CADPS: variants seen among roughly 807,000 people sequenced by gnomAD.
CADPS encodes the protein calcium-dependent secretion activator 1.
In CADPS, 57 loss-of-function variants were observed where a neutral mutation model predicts 167.3. The observed-to-expected ratio is 0.34, with a 90% CI of 0.28 to 0.42. CADPS has a LOEUF of 0.42. Among genes scored for constraint, CADPS ranks in the 20% least tolerant of loss-of-function variants. CADPS has a pLI of 1.00. For missense variants in CADPS, 1,414 were observed against 1,738.1 expected (o/e 0.81, Z 3.32); for synonymous variants, 676 against 635.3 (o/e 1.06, Z -0.96).
intron 5 of CADPS, among the ~76,000 whole-genome samples, chr3:62,649,543 C>CTTTTTTTTTGTTTTTTTTT (rs2069498704): frequency 2.6e-5 from 1 of 37,786 alleles, no homozygotes; most frequent in Admixed American, 5.2e-4. Context: ...AATATGTGGT[C>CTTTTTTTTTGTTTTTTTTT]TTTTTTTTTT....
intron 6 of CADPS, among the ~76,000 whole-genome samples, chr3:62,593,423 C>G (rs2086528116): frequency 6.6e-6 from 1 of 152,166 alleles, no homozygotes; most frequent in Non-Finnish European, 1.5e-5. Context: ...TCACATGAGC[C>G]CTTGATGTGC....
intron 1 of CADPS, among the ~76,000 whole-genome samples, chr3:62,835,016 C>A (rs1279058016): frequency 6.6e-6 from 1 of 152,048 alleles, no homozygotes; most frequent in Non-Finnish European, 1.5e-5. Context: ...TTTAAAGGAG[C>A]AGATTCATTG....
chr3:62,408,573 A>G (rs2048341633), intron 28 of CADPS, among the ~76,000 whole-genome samples: 1 of 152,194 alleles, frequency 6.6e-6, no homozygotes. Flanking sequence ...TTAACTCTGG[A>G]TACTATCTAA....
intron 8 of CADPS, among the ~76,000 whole-genome samples, chr3:62,583,899 C>T (rs2083999278): frequency 6.6e-6 from 1 of 152,106 alleles, no homozygotes; most frequent in African/African-American, 2.4e-5. Context: ...TGGTCACGCC[C>T]TCCTGGACTT....
intron 11 of CADPS, among the ~76,000 whole-genome samples, chr3:62,537,360 T>A (rs2074891346): frequency 6.6e-6 from 1 of 152,152 alleles, no homozygotes; most frequent in East Asian, 1.9e-4. Flanking sequence ...CAAAACCTCC[T>A]AAGGGCTAAC....
intron 7 of CADPS, among the ~76,000 whole-genome samples, chr3:62,587,279 G>A (rs1470642317): frequency 2.6e-5 from 4 of 152,216 alleles, no homozygotes; most frequent in African/African-American, 7.2e-5. Flanking sequence ...TGGCACCAGA[G>A]AACTGCAACA....
intron 3 of CADPS, among the ~76,000 whole-genome samples, chr3:62,706,132 T>C (rs1191324171): frequency 6.6e-6 from 1 of 152,100 alleles, no homozygotes; most frequent in African/African-American, 2.4e-5. Flanking sequence ...TTAGGGACTT[T>C]GGTAGGCATT....
intron 7 of CADPS, among the ~76,000 whole-genome samples, chr3:62,586,143 A>G (rs2084577683): frequency 6.6e-6 from 1 of 152,206 alleles, no homozygotes; most frequent in Admixed American, 6.5e-5. Context: ...GAGGAATTGA[A>G]TATTTGGAAA....
At chr3:62,608,206 C>T (rs2060963051) in intron 6 of CADPS, among the ~76,000 whole-genome samples, 1 of 151,930 alleles carries the variant, frequency 6.6e-6, no homozygotes, top group African/African-American at 2.4e-5. Flanking sequence ...GACCCCACAC[C>T]CACAAAATAA....
At chr3:62,670,968 G>T (rs60903963) in intron 3 of CADPS, among the ~76,000 whole-genome samples, 1 of 152,032 alleles carries the variant, frequency 6.6e-6, no homozygotes. Flanking sequence ...CAGTCATAGC[G>T]CATGGTAGTC....
intron 9 of CADPS, among the ~76,000 whole-genome samples, chr3:62,565,135 G>A (rs1034554308): frequency 6.6e-6 from 1 of 152,122 alleles, no homozygotes; most frequent in Admixed American, 6.5e-5. Flanking sequence ...TAATCAATGT[G>A]TTTGGTTCTC....
At chr3:62,740,521 G>C (rs147979669) in intron 3 of CADPS, among the ~76,000 whole-genome samples, 263 of 152,262 alleles carry the variant, frequency 1.7e-3, no homozygotes, top group African/African-American at 5.9e-3. Flanking sequence ...TTGGGTAAAA[G>C]AAGATACCAG....
At chr3:62,415,030 T>G (rs1458073438) in intron 28 of CADPS, among the ~76,000 whole-genome samples, 1 of 152,192 alleles carries the variant, frequency 6.6e-6, no homozygotes, top group African/African-American at 2.4e-5. Flanking sequence ...CTTTGTCTCC[T>G]TGACAACACC....
Position 62,874,483 on chromosome 3 carries a change from A to G in CADPS, c.441+106T>C. Reference sequence around the variant, plus strand: ...GCCCTTTCCCCAGGGCGCGGTCTCCACCTCTCCTGCTCCTCCTCGCCAGCT... The same window carrying G: ...GCCCTTTCCCCAGGGCGCGGTCTCCGCCTCTCCTGCTCCTCCTCGCCAGCT... On this transcript the variant is annotated intron_variant, in intron 1 of 29. Transcript: ENST00000383710. This position sits in a 1 kb window ranked among gnomAD's most constrained non-coding sequence, Gnocchi z 7.1. 1.1e-6 allele frequency: 1 copy of G among 878,678 alleles called. No individual in the cohort carries two copies. Among genetic ancestry groups the G allele is most frequent in the East Asian group, 2.8e-5 (1 of 35,910 alleles). The allele number at this position is 878,678 out of a possible 1,614,324, so 54.4% of individuals were successfully genotyped here.
intron 14 of CADPS, 100 bp downstream of exon 14, chr3:62,518,049 G>A (rs2069431899): frequency 2.6e-6 from 2 of 778,644 alleles, no homozygotes; most frequent in African/African-American, 1.7e-5. Context: ...AATATCCAAT[G>A]TATCCTCTGG....
intron 21 of CADPS, among the ~76,000 whole-genome samples, chr3:62,486,444 CAAAAAAAA>C (rs1219097343): frequency 1.6e-5 from 1 of 63,936 alleles, no homozygotes; most frequent in Admixed American, 1.7e-4. Flanking sequence ...GACTCCGTCT[CAAAAAAAA>C]AAAAAAAAAA....
chr3:62,429,109 T>C (rs752400278), intron 28 of CADPS, among the ~76,000 whole-genome samples: 2 of 150,862 alleles, frequency 1.3e-5, no homozygotes, highest in African/African-American at 5.0e-5. Flanking sequence ...ATCACATAAA[T>C]ATTGTTTTAT....
rs191982154 is a variant in CADPS at position 62,428,660 on chromosome 3, G to A, written c.3777+9444C>T. On this transcript the variant is annotated intron_variant, in intron 28 of 29. Coordinates refer to ENST00000383710, the MANE Select transcript of CADPS (RefSeq NM_003716.4). ...TTGTTGTTGCTACATCATACTCATCGCGTTTTTGTGTGATGATGGCAGTGG... is the reference window on the plus strand; with the variant it reads ...TTGTTGTTGCTACATCATACTCATCACGTTTTTGTGTGATGATGGCAGTGG... Among the ~76,000 whole-genome samples, 21 of 152,170 alleles carry A rather than the reference G, an allele frequency of 1.4e-4. No homozygotes were observed. The East Asian group carries it at 1.7e-3, about 13-fold the overall frequency.
At chr3:62,678,494 AT>A (rs535848521) in intron 3 of CADPS, among the ~76,000 whole-genome samples, 118 of 150,648 alleles carry the variant, frequency 7.8e-4, no homozygotes, top group South Asian at 1.7e-3. Context: ...TTTCTCAGGA[AT>A]TTTTTTTTTC....
Sources: gnomAD v4.1 joint callset for allele counts (sites outside exome capture counted in the v4.1 genomes callset) on GRCh38, gnomAD v4.1.1 for gene constraint, Gnocchi (gnomAD v3.1) non-coding constraint, MANE v1.5 for transcripts, NCBI Gene and HGNC (gene_info 2026-07-23, HGNC 2026-07-21) for gene names.